The following MFN1 variants were observed in gnomAD, a reference collection of about 807,000 sequenced individuals.
MFN1 encodes mitofusin-1.
Under a neutral mutation model 92.4 loss-of-function variants are expected in MFN1, and 65 were observed. The ratio of observed to expected loss-of-function variants is 0.70; its 90% CI spans 0.58 to 0.86. The LOEUF (loss-of-function observed/expected upper bound fraction) is 0.86, where lower values mean the gene tolerates loss of function less well. MFN1 is among the 40% of genes least tolerant of loss of function. MFN1 has a pLI of 0.00. For missense variants in MFN1, 781 were observed against 868.0 expected, an observed-to-expected ratio of 0.90 and a Z score of 1.26; for synonymous variants, 297 against 300.9, an observed-to-expected ratio of 0.99 and a Z score of 0.13.
At chr3:179,350,741 G>C (rs955963881) in intron 2 of MFN1, among the ~76,000 whole-genome samples, 4 of 152,196 alleles carry the variant, frequency 2.6e-5, no homozygotes, top group Admixed American at 6.5e-5. Flanking sequence ...TTATTAATGC[G>C]TTAGAAAAGT....
chr3:179,391,783 G>C (rs538100548), intron 17 of MFN1, among the ~76,000 whole-genome samples, 198 bp from the exon 18 acceptor site: 2 of 152,252 alleles, frequency 1.3e-5, no homozygotes, highest in African/African-American at 2.4e-5. Flanking sequence ...TGTGTACTTT[G>C]TGCATTATTT....
chr3:179,391,989 C>A lies in MFN1; in HGVS notation c.2156C>A (p.Ala719Asp). ...TTTATTTTTTTAATTAGAAATAAAGCTGTTCAACTTGAAAATGAGCTGGAG... is the reference window on the plus strand; with the variant it reads ...TTTATTTTTTTAATTAGAAATAAAGATGTTCAACTTGAAAATGAGCTGGAG... ...QNNSKLLRNK[A>D]VQLENELENF... Residue 719 changes from alanine to aspartate, a missense_variant, in exon 18 of 18, where the codon GCT (alanine) becomes GAT (aspartate). Ala to Asp is a moderately radical substitution (Grantham distance 126, BLOSUM62 -2). Coordinates refer to ENST00000471841, the MANE Select transcript of MFN1 (RefSeq NM_033540.3). 1.3e-6 allele frequency: 2 copies of A among 1,597,278 alleles called. No individual in the cohort carries two copies. The highest frequency in any genetic ancestry group is 1.7e-6 in the Non-Finnish European group (2 of 1,165,886).
chr3:179,375,213 C>T lies in MFN1; in HGVS notation c.976-7C>T, dbSNP rs745808096. ...CAGTAATGTGTTACGGCTTGGGCCCCTCGCAGGAGTGTATCTCGCAGTCAG... is the reference window on the plus strand; with the variant it reads ...CAGTAATGTGTTACGGCTTGGGCCCTTCGCAGGAGTGTATCTCGCAGTCAG... On this transcript the variant is annotated splice_region_variant and splice_polypyrimidine_tract_variant and intron_variant, in intron 9 of 17. Coordinates refer to ENST00000471841, the MANE Select transcript of MFN1 (RefSeq NM_033540.3). 45 of 1,608,312 alleles carry T rather than the reference C, an allele frequency of 2.8e-5. No homozygotes were observed. Among genetic ancestry groups the T allele is most frequent in the Non-Finnish European group, 3.7e-5 (44 of 1,178,004 alleles).
rs1713694708 is a variant in MFN1 at position 179,386,600 on chromosome 3, G to A, written c.1983G>A (p.Thr661=). The part of the protein sequence containing the change: ...TEKLRMIVSS[T]SANCSHQVKQ... ...AACTGAGGATGATTGTTAGCTCCAC[G>A]AGTGCAAACTGCAGTCACCAAGTAA... The change falls in exon 16 of 18, where the codon ACG becomes ACA. Residue 661 remains threonine, a synonymous_variant. Transcript: ENST00000471841. 7.4e-6 allele frequency: 12 copies of A among 1,613,120 alleles called. No homozygotes were observed. The highest frequency in any genetic ancestry group is 1.1e-5 in the South Asian group (1 of 90,914).
At chr3:179,354,884 TCCCGG>T (rs1347080890) in intron 3 of MFN1, among the ~76,000 whole-genome samples, 3 of 152,186 alleles carry the variant, frequency 2.0e-5, no homozygotes, top group Admixed American at 2.0e-4. Context: ...AACCTCTGCC[TCCCGG>T]CTTCAAGCGA....
intron 9 of MFN1, among the ~76,000 whole-genome samples, chr3:179,374,429 C>A (rs912603061): frequency 8.7e-6 from 1 of 115,158 alleles, no homozygotes; most frequent in Non-Finnish European, 1.8e-5. Flanking sequence ...AACAAGTATT[C>A]TATATATTGA....
chr3:179,360,725 G>A lies in MFN1; in HGVS notation c.412-1633G>A, dbSNP rs796608904. 3.0e-4 allele frequency among the ~76,000 whole-genome samples: 45 copies of A among 151,016 alleles called. 2 individuals carry two copies. The highest frequency in any genetic ancestry group is 1.0e-3 in the African/African-American group (42 of 40,366). ...ATGATCCATGCTATTTTATTTCTTG[G>A]TAAAGTCATGGGTGGTTCTTCTTTG... On this transcript the variant is annotated intron_variant, in intron 4 of 17. Transcript: ENST00000471841.
In MFN1 at chr3:179,364,316, A is replaced by G; in HGVS notation, c.556A>G (p.Thr186Ala). The G allele has an allele frequency of 6.2e-7, 1 of 1,613,356 alleles. No individual in the cohort carries two copies. The highest frequency in any genetic ancestry group is 1.1e-5 in the South Asian group (1 of 90,990). ...LVDSPGTDVT[T>A]ELDSWIDKFC... ...CATTAGTCCAGGCACAGATGTCACT[A>G]CAGAGCTGGATAGCTGGATTGATAA... The change falls in exon 6 of 18, where the codon ACA becomes GCA. Residue 186 changes from threonine to alanine, a missense_variant. Coordinates refer to ENST00000471841, the MANE Select transcript of MFN1 (RefSeq NM_033540.3).
intron 7 of MFN1, 42 bp from the exon 8 acceptor site, chr3:179,367,397 G>C (rs1461293528): frequency 6.6e-7 from 1 of 1,511,016 alleles, no homozygotes; most frequent in Non-Finnish European, 9.0e-7. Context: ...TATTATATTT[G>C]TTTAAATTAT....
chr3:179,353,358 G>A (rs1182887792), intron 3 of MFN1, among the ~76,000 whole-genome samples: 3 of 142,782 alleles, frequency 2.1e-5, no homozygotes, highest in African/African-American at 2.6e-5. Context: ...GAGCCACCGC[G>A]CCTGGCCCCA....
intron 12 of MFN1, among the ~76,000 whole-genome samples, chr3:179,377,793 G>A (rs1713301544): frequency 6.6e-6 from 1 of 151,892 alleles, no homozygotes; most frequent in Admixed American, 6.6e-5. Flanking sequence ...GGCTGGTTGC[G>A]GTGGCTCCCG....
intron 2 of MFN1, among the ~76,000 whole-genome samples, chr3:179,349,531 C>CA (rs1418793600): frequency 6.8e-6 from 1 of 147,806 alleles, no homozygotes; most frequent in Admixed American, 6.8e-5. Flanking sequence ...TTTTTTGAGA[C>CA]AGAGTCTTGT....
chr3:179,359,263 G>A (rs1712471343), intron 4 of MFN1, among the ~76,000 whole-genome samples: 1 of 152,148 alleles, frequency 6.6e-6, no homozygotes, highest in Non-Finnish European at 1.5e-5. Context: ...TGGGACTACA[G>A]GCGTGCGCCA....
At chr3:179,354,637 G>A (rs1474149608) in intron 3 of MFN1, among the ~76,000 whole-genome samples, 2 of 152,180 alleles carry the variant, frequency 1.3e-5, no homozygotes, top group Non-Finnish European at 2.9e-5. Context: ...AAGGAATAAA[G>A]AATGGCTGCT....
At chr3:179,364,036 T>G (rs1397157181) in intron 5 of MFN1, among the ~76,000 whole-genome samples, 1 of 152,212 alleles carries the variant, frequency 6.6e-6, no homozygotes, top group East Asian at 1.9e-4. Context: ...ATATAGCTGC[T>G]TGAACCCTCA....
intron 4 of MFN1, 114 bp downstream of exon 4, chr3:179,359,116 T>C: frequency 1.6e-6 from 2 of 1,235,994 alleles, no homozygotes; most frequent in Admixed American, 3.2e-5. Context: ...AAAAGAACTG[T>C]TAATATTTTT....
At chr3:179,358,150 G>GTTTTTTTTTTTTTTTT (rs771740459) in intron 3 of MFN1, among the ~76,000 whole-genome samples, 1 of 119,714 alleles carries the variant, frequency 8.4e-6, no homozygotes. Flanking sequence ...CACTCATTTT[G>GTTTTTTTTTTTTTTTT]TTTTTTTTTT....
At chr3:179,389,919 GTGTTCTTCTTTTTA>G (rs1713837418) in intron 16 of MFN1, 71 bp from the exon 17 acceptor site, 1 of 1,301,694 alleles carries the variant, frequency 7.7e-7, no homozygotes, top group Non-Finnish European at 1.1e-6. Flanking sequence ...TTTAAAACTT[GTGTTCTTCTTTTTA>G]TGTGAGCTTT....
intron 13 of MFN1, 51 bp downstream of exon 13, chr3:179,378,494 C>T (rs1190604865): frequency 6.6e-7 from 1 of 1,523,970 alleles, no homozygotes; most frequent in Admixed American, 1.9e-5. Context: ...TCATTCATGA[C>T]TGGTGAAGAG....
Sources: allele counts gnomAD v4.1 joint callset (sites outside exome capture counted in the v4.1 genomes callset), GRCh38; gene constraint gnomAD v4.1.1; transcripts MANE v1.5; gene names NCBI Gene and HGNC (gene_info 2026-07-23, HGNC 2026-07-21).